Variants in TAMM41 observed in about 807,000 individuals in gnomAD.
The protein encoded by TAMM41 is TAM41 mitochondrial translocator assembly and maintenance homolog, also known as phosphatidate cytidylyltransferase, mitochondrial.
Under a neutral mutation model 44.1 loss-of-function variants are expected in TAMM41, and 36 were observed. That is an observed-to-expected ratio of 0.82 (90% CI 0.63 to 1.08). TAMM41 has a LOEUF of 1.08. Ranked by LOEUF, TAMM41 falls within the 50% of genes least tolerant of loss-of-function variation. TAMM41 has a pLI of 0.00. For synonymous variants in TAMM41, 164 were observed against 153.1 expected (o/e 1.07, Z -0.53); for missense variants, 417 against 404.3 (o/e 1.03, Z -0.27).
At chr3:11,813,828 A>ATGTGTGTG (rs143683206) in intron 5 of TAMM41, among the ~76,000 whole-genome samples, 5,595 of 142,388 alleles carry the variant, frequency 0.039, 287 homozygotes, top group African/African-American at 0.098. Context: ...GTACAAATAT[A>ATGTGTGTG]TGTGTGTGTG....
intron 4 of TAMM41, among the ~76,000 whole-genome samples, chr3:11,818,507 T>C (rs867866026): frequency 2.6e-5 from 4 of 152,142 alleles, no homozygotes; most frequent in Non-Finnish European, 4.4e-5. Flanking sequence ...ATGTACTTCA[T>C]TGAGTAAGGA....
chr3:11,726,800 C>CAAAAAAAAAAA, the TAMM41 span, among the ~76,000 whole-genome samples: 1 of 93,088 alleles, frequency 1.1e-5, no homozygotes, highest in Non-Finnish European at 2.5e-5. Context: ...GACTCTGTCT[C>CAAAAAAAAAAA]AAAAAAAAAA....
chr3:11,799,345 G>C (rs114679880), intron 7 of TAMM41, among the ~76,000 whole-genome samples: 327 of 152,292 alleles, frequency 2.1e-3, no homozygotes, highest in African/African-American at 7.6e-3. Context: ...TTAAAACTCA[G>C]AAAAATTAGG....
the TAMM41 span, among the ~76,000 whole-genome samples, chr3:11,725,632 G>A: frequency 6.6e-6 from 1 of 152,034 alleles, no homozygotes; most frequent in Non-Finnish European, 1.5e-5. Flanking sequence ...TAGCGATGGG[G>A]TTTCAGTGAG....
the TAMM41 span, among the ~76,000 whole-genome samples, chr3:11,745,818 T>A: frequency 1.3e-5 from 2 of 152,292 alleles, no homozygotes; most frequent in Admixed American, 6.5e-5. Flanking sequence ...TGAAAAATGA[T>A]CAAGATGCTA....
intron 5 of TAMM41, among the ~76,000 whole-genome samples, chr3:11,813,383 A>G (rs2078150811): frequency 6.6e-6 from 1 of 152,074 alleles, no homozygotes; most frequent in Non-Finnish European, 1.5e-5. Context: ...TACAAAAATT[A>G]GCTGGGTGTG....
downstream of TAMM41, among the ~76,000 whole-genome samples, chr3:11,786,311 T>TTATTA (rs749651872): frequency 6.8e-3 from 1,003 of 147,618 alleles, 9 homozygotes; most frequent in Middle Eastern, 0.011. Flanking sequence ...ATTATTATTA[T>TTATTA]TATTATTTTT....
chr3:11,767,044 CT>C, the TAMM41 span, among the ~76,000 whole-genome samples: 2 of 152,176 alleles, frequency 1.3e-5, no homozygotes, highest in African/African-American at 4.8e-5. Context: ...GATAGATTCA[CT>C]GATTTTAGCT....
intron 6 of TAMM41, 95 bp downstream of exon 6, chr3:11,809,422 T>G (rs1481168644): frequency 6.8e-7 from 1 of 1,474,086 alleles, no homozygotes; most frequent in Admixed American, 2.2e-5. Context: ...TCTATCTCGC[T>G]AAACAAAAAG....
intron 7 of TAMM41, among the ~76,000 whole-genome samples, chr3:11,792,767 A>C (rs1266361331): frequency 6.6e-6 from 1 of 152,240 alleles, no homozygotes; most frequent in Non-Finnish European, 1.5e-5. Context: ...TCACCAAAAG[A>C]CACCATTAAG....
intron 5 of TAMM41, among the ~76,000 whole-genome samples, chr3:11,813,627 A>G (rs2124971624): frequency 6.6e-6 from 1 of 152,196 alleles, no homozygotes; most frequent in African/African-American, 2.4e-5. Flanking sequence ...AAGAACTTCC[A>G]GCCTGTATTT....
intron 7 of TAMM41, chr3:11,807,197 G>C (rs1355490474): frequency 1.4e-6 from 2 of 1,402,534 alleles, no homozygotes; most frequent in South Asian, 1.7e-5. Context: ...AGAACATTAT[G>C]CAGGGAAGGA....
the TAMM41 span, among the ~76,000 whole-genome samples, chr3:11,742,678 C>T: frequency 6.7e-6 from 1 of 149,084 alleles, no homozygotes; most frequent in Non-Finnish European, 1.5e-5. Context: ...CCTTTAACTC[C>T]TGGACTGAAG....
the TAMM41 span, among the ~76,000 whole-genome samples, chr3:11,732,999 TGTTTGTTTG>T: frequency 4.7e-5 from 5 of 106,698 alleles, 2 homozygotes; most frequent in African/African-American, 3.1e-5. Context: ...GTTTTTTTTT[TGTTTGTTTG>T]TTTGTTTTGA....
chr3:11,735,654 A>G, the TAMM41 span, among the ~76,000 whole-genome samples: 24 of 152,132 alleles, frequency 1.6e-4, no homozygotes, highest in African/African-American at 5.6e-4. Flanking sequence ...ACAAAAAAGA[A>G]AGTAAATATG....
At chr3:11,751,065 C>A in the TAMM41 span, among the ~76,000 whole-genome samples, 1 of 150,726 alleles carries the variant, frequency 6.6e-6, no homozygotes, top group Non-Finnish European at 1.5e-5. Flanking sequence ...AGGAGGAGTC[C>A]TTTCCAGAAG....
At chr3:11,792,922 G>C (rs928548486) in intron 7 of TAMM41, among the ~76,000 whole-genome samples, 1 of 152,006 alleles carries the variant, frequency 6.6e-6, no homozygotes, top group Non-Finnish European at 1.5e-5. Flanking sequence ...TTAGCCAGGC[G>C]TGGTGGCATG....
intron 1 of TAMM41, 73 bp from the exon 2 acceptor site, chr3:11,844,284 C>G: frequency 7.0e-7 from 1 of 1,428,064 alleles, no homozygotes; most frequent in South Asian, 1.3e-5. Context: ...TGGAAAAGCT[C>G]TAACATACTA....
chr3:11,793,083 A>AAAAAAAAAAAAAAAAAAG (rs1553566249), intron 7 of TAMM41, among the ~76,000 whole-genome samples: 6 of 132,660 alleles, frequency 4.5e-5, no homozygotes, highest in African/African-American at 1.6e-4. Context: ...AAAAAAAAAA[A>AAAAAAAAAAAAAAAAAAG]AGAGAGTGAA....
Sources: allele counts gnomAD v4.1 joint callset (sites outside exome capture counted in the v4.1 genomes callset), GRCh38; gene constraint gnomAD v4.1.1; transcripts MANE v1.5; gene names NCBI Gene and HGNC (gene_info 2026-07-23, HGNC 2026-07-21).